HADHB: variants seen among roughly 807,000 people sequenced by gnomAD.
HADHB encodes trifunctional enzyme subunit beta, mitochondrial.
Under a neutral mutation model 61.9 loss-of-function variants are expected in HADHB, and 50 were observed. The observed-to-expected ratio is 0.81, with a 90% CI of 0.64 to 1.02. HADHB has a LOEUF of 1.02. HADHB is among the 50% of genes least tolerant of loss of function. The pLI is 0.00. For missense variants in HADHB, 504 were observed against 586.5 expected (o/e 0.86, Z 1.45); for synonymous variants, 191 against 201.6 (o/e 0.95, Z 0.45).
chr2:26,254,397 T>C (rs746926091), intron 2 of HADHB, 33 bp from the exon 3 acceptor site: 2 of 1,567,814 alleles, frequency 1.3e-6, no homozygotes, highest in South Asian at 1.1e-5. Flanking sequence ...TGAATGGTAT[T>C]GCTTTTTGTA....
intron 5 of HADHB, among the ~76,000 whole-genome samples, chr2:26,273,298 A>G (rs1234747806): frequency 1.3e-5 from 2 of 151,832 alleles, no homozygotes; most frequent in Non-Finnish European, 2.9e-5. Context: ...ACTTTGCTTT[A>G]TCTCTTTGAT....
At chr2:26,276,595 C>A (rs974486903) in intron 6 of HADHB, among the ~76,000 whole-genome samples, 2 of 152,194 alleles carry the variant, frequency 1.3e-5, no homozygotes, top group African/African-American at 4.8e-5. Flanking sequence ...AAATCATTTT[C>A]ATGTTTAATC....
chr2:26,284,497 C>T lies in HADHB; in HGVS notation c.1149+293C>T, dbSNP rs535236992. ...TTTTTTTTGGAGACAGAGTCTTGCTCTGTTGCCCCAGCTGGAGTGTAGTGG... is the reference window on the plus strand; with the variant it reads ...TTTTTTTTGGAGACAGAGTCTTGCTTTGTTGCCCCAGCTGGAGTGTAGTGG... On this transcript the variant is annotated intron_variant, in intron 13 of 15. Transcript: ENST00000317799. Among the ~76,000 whole-genome samples the T allele has an allele frequency of 2.9e-3, 434 of 149,320 alleles. 2 individuals carry two copies. The highest frequency in any genetic ancestry group is 9.1e-3 in the African/African-American group (370 of 40,556).
intron 6 of HADHB, among the ~76,000 whole-genome samples, chr2:26,275,406 C>T (rs538128536): frequency 1.3e-5 from 2 of 152,312 alleles, no homozygotes; most frequent in Non-Finnish European, 2.9e-5. Context: ...CATCTTCCTC[C>T]TTTTCCCTTA....
At chr2:26,271,898 T>A (rs1672362478) in intron 5 of HADHB, among the ~76,000 whole-genome samples, 1 of 152,040 alleles carries the variant, frequency 6.6e-6, no homozygotes, top group Non-Finnish European at 1.5e-5. Flanking sequence ...AGACTTTGTC[T>A]CAAAAAAAAA....
In HADHB at chr2:26,269,949, C is replaced by G; in HGVS notation, c.210-4C>G. ...GGTTTAAATTACTGGTTTTCGTTCC[C>G]CAGATATAAAGACCTGATGCCACAT... On this transcript the variant is annotated splice_polypyrimidine_tract_variant and splice_region_variant and intron_variant, in intron 4 of 15. Transcript: ENST00000317799. 1.2e-6 allele frequency: 2 copies of G among 1,602,056 alleles called. No individual in the cohort carries two copies. Among genetic ancestry groups the G allele is most frequent in the South Asian group, 1.1e-5 (1 of 90,828 alleles).
intron 9 of HADHB, 24 bp from the exon 10 acceptor site, chr2:26,279,970 T>TA (rs746559522): frequency 7.0e-6 from 11 of 1,579,866 alleles, no homozygotes; most frequent in South Asian, 1.1e-5. Context: ...TCCATAGAGT[T>TA]AAAAAAATTC....
intron 1 of HADHB, among the ~76,000 whole-genome samples, chr2:26,248,824 A>G (rs1671267091): frequency 6.6e-6 from 1 of 152,222 alleles, no homozygotes; most frequent in South Asian, 2.1e-4. Context: ...TGGGAGGCAG[A>G]GGCGGGCGGA....
chr2:26,285,311 T>G, intron 14 of HADHB, 96 bp from the exon 15 acceptor site: 4 of 1,041,968 alleles, frequency 3.8e-6, no homozygotes, highest in Non-Finnish European at 6.0e-6. Context: ...CGTTACGTAT[T>G]TTCCTCTATC....
chr2:26,277,644 C>CT (rs1672604140), intron 7 of HADHB, among the ~76,000 whole-genome samples: 2 of 152,116 alleles, frequency 1.3e-5, no homozygotes, highest in South Asian at 2.1e-4. Flanking sequence ...TAGTTAACCT[C>CT]TTTTTTTGCT....
intron 3 of HADHB, among the ~76,000 whole-genome samples, chr2:26,258,893 G>A (rs1671749625): frequency 6.6e-6 from 1 of 151,852 alleles, no homozygotes; most frequent in African/African-American, 2.4e-5. Context: ...CTGATTGGTC[G>A]AGTGTGAGCT....
intron 15 of HADHB, 28 bp from the exon 16 acceptor site, chr2:26,289,890 C>T (rs765913184): frequency 3.9e-6 from 6 of 1,539,022 alleles, no homozygotes; most frequent in Non-Finnish European, 5.4e-6. Flanking sequence ...CCATTCATTG[C>T]TCTAATTGGA....
chr2:26,257,375 C>T (rs13014955), intron 3 of HADHB, among the ~76,000 whole-genome samples: 26,026 of 151,628 alleles, frequency 0.17, 2,704 homozygotes, highest in Middle Eastern at 0.26. Flanking sequence ...CCACCTCGGC[C>T]TCCCAAAGTG....
At chr2:26,253,832 A>C (rs1444918880) in intron 1 of HADHB, among the ~76,000 whole-genome samples, 3 of 150,954 alleles carry the variant, frequency 2.0e-5, no homozygotes, top group Non-Finnish European at 4.4e-5. Context: ...CAGCCTGGGC[A>C]ACAAGAGCAA....
intron 5 of HADHB, 48 bp from the exon 6 acceptor site, chr2:26,273,603 C>A: frequency 9.8e-7 from 1 of 1,020,410 alleles, no homozygotes; most frequent in Non-Finnish European, 1.6e-6. Context: ...ATCTCTGGCA[C>A]TGCCTTGATG....
intron 15 of HADHB, among the ~76,000 whole-genome samples, chr2:26,288,495 G>A (rs1165187594): frequency 1.3e-5 from 2 of 151,572 alleles, no homozygotes; most frequent in Non-Finnish European, 2.9e-5. Flanking sequence ...GATTGCTTGA[G>A]CTCAGGAGTT....
chr2:26,261,215 C>CG (rs1002423898), intron 3 of HADHB: 3 of 469,922 alleles, frequency 6.4e-6, no homozygotes, highest in Non-Finnish European at 1.1e-5. Flanking sequence ...AACAAATACC[C>CG]CCCCCCCATC....
intron 3 of HADHB, among the ~76,000 whole-genome samples, chr2:26,258,497 C>T (rs1671726840): frequency 6.6e-6 from 1 of 152,200 alleles, no homozygotes; most frequent in South Asian, 2.1e-4. Flanking sequence ...ACAGGAATGG[C>T]ACTGGGTGCC....
rs549439511 is a variant in HADHB, at chr2:26,287,273, C to T, written c.1389+1702C>T. On this transcript the variant is annotated intron_variant, in intron 15 of 15. Coordinates refer to ENST00000317799, the MANE Select transcript of HADHB (RefSeq NM_000183.3). ...TCATGGATTTTCCTCAGAGACTTTG[C>T]AGAAACCAAGGGGTCAGTTATTTAT... Among the ~76,000 whole-genome samples, 4 of 152,266 alleles carry T rather than the reference C, an allele frequency of 2.6e-5. No individual in the cohort carries two copies. The South Asian group carries it at 6.2e-4, about 24-fold the overall frequency.
Sources: allele counts gnomAD v4.1 joint callset (sites outside exome capture counted in the v4.1 genomes callset), GRCh38; gene constraint gnomAD v4.1.1; transcripts MANE v1.5; gene names NCBI Gene and HGNC (gene_info 2026-07-23, HGNC 2026-07-21).